The following TYK2 variants were observed in gnomAD, a reference collection of about 807,000 sequenced individuals.
TYK2 encodes the protein tyrosine kinase 2, also known as non-receptor tyrosine-protein kinase TYK2.
A neutral mutation model predicts 130.9 loss-of-function variants in TYK2; 65 were observed. The observed-to-expected ratio is 0.50, with a 90% CI of 0.41 to 0.61. The LOEUF is 0.61. Ranked by LOEUF, TYK2 falls within the 20% of genes least tolerant of loss-of-function variation. The pLI is 0.00. For synonymous variants in TYK2, 647 were observed against 658.9 expected, an observed-to-expected ratio of 0.98 and a Z score of 0.28; for missense variants, 1,378 against 1,610.7, an observed-to-expected ratio of 0.86 and a Z score of 2.47.
At chr19:10,370,283 C>T (rs898850351) in intron 3 of TYK2, among the ~76,000 whole-genome samples, 4 of 151,786 alleles carry the variant, frequency 2.6e-5, no homozygotes, top group African/African-American at 7.3e-5. Flanking sequence ...TGCTTGAACC[C>T]GGGAGGCGGA....
intron 3 of TYK2, among the ~76,000 whole-genome samples, chr19:10,368,934 G>A (rs2041796775): frequency 6.6e-6 from 1 of 151,446 alleles, no homozygotes; most frequent in South Asian, 2.1e-4. Context: ...TCAGCCTCCT[G>A]AGTTGCTGGG....
chr19:10,361,512 T>C lies in TYK2; in HGVS notation c.2046A>G (p.Glu682=), dbSNP rs2041399672. 1 of 1,544,772 alleles carries C rather than the reference T, an allele frequency of 6.5e-7. No individual in the cohort carries two copies. Among genetic ancestry groups the C allele is most frequent in the African/African-American group, 1.4e-5 (1 of 72,854 alleles). Reference sequence around the variant, plus strand: ...ATGGGTATGGCGGGACCCACTCACTTTCAGGGCCGCGCACACAGACGCCAT... The same window carrying C: ...ATGGGTATGGCGGGACCCACTCACTCTCAGGGCCGCGCACACAGACGCCAT... ...FVHGVCVRGP[E]NIMVTEYVEH... The change falls in exon 14 of 25, where the codon GAA becomes GAG. Residue 682 remains glutamate (E), a splice_region_variant and synonymous_variant. Transcript: ENST00000525621. The surrounding 1 kb of genome is among the most constrained non-coding windows in gnomAD (Gnocchi z 4.0).
intron 3 of TYK2, among the ~76,000 whole-genome samples, chr19:10,371,080 C>T (rs1324267058): frequency 6.6e-6 from 1 of 152,002 alleles, no homozygotes; most frequent in Admixed American, 6.6e-5. Context: ...ATCCTCCTGC[C>T]TCAGCCTCCC....
chr19:10,368,550 G>A lies in TYK2; in HGVS notation c.194-132C>T, dbSNP rs12720252. 3.2e-3 allele frequency: 4,367 copies of A among 1,376,532 alleles called. 115 individuals carry two copies. In the African/African-American group the frequency reaches 0.056, roughly 18 times the overall value. 85.3% of individuals were successfully genotyped at this position (1,376,532 alleles called of 1,614,324 possible). On this transcript the variant is annotated intron_variant, in intron 3 of 24. Coordinates refer to ENST00000525621, the MANE Select transcript of TYK2 (RefSeq NM_003331.5). ...CCCCCACCTGCAGCTTCAGTCTCAC[G>A]TTGCCCCTGGGCAGAGGACAGTGCG...
chr19:10,361,929 C>T lies in TYK2; in HGVS notation c.1800G>A (p.Arg600=), dbSNP rs758976960. ...GCAGGCGGCCCTCATACACGTTGGT[C>T]CTTGTGCCCTGGCCCAAGTGGGACA... ...TQLSHLGQGT[R]TNVYEGRLRV... Residue 600 remains arginine (R), a synonymous_variant, in exon 13 of 25, where the codon AGG becomes AGA. Coordinates refer to ENST00000525621, the MANE Select transcript of TYK2 (RefSeq NM_003331.5). This position sits in a 1 kb window ranked among gnomAD's most constrained non-coding sequence, Gnocchi z 4.0. 4 of 1,614,098 alleles carry T rather than the reference C, an allele frequency of 2.5e-6. No homozygotes were observed. Among genetic ancestry groups the T allele is most frequent in the East Asian group, 2.2e-5 (1 of 44,886 alleles).
Position 10,350,795 on chromosome 19 carries a change from G to A in TYK2, c.*39C>T. 1 of 1,611,222 alleles carries A rather than the reference G, an allele frequency of 6.2e-7. No individual in the cohort carries two copies. The highest frequency in any genetic ancestry group is 8.5e-7 in the Non-Finnish European group (1 of 1,179,594). Reference sequence around the variant, plus strand: ...GCAGGAGGCTCCCTCTGCAGCCACTGCCTGGTCCAGTCCTCCCAGGCAGGG... The same window carrying A: ...GCAGGAGGCTCCCTCTGCAGCCACTACCTGGTCCAGTCCTCCCAGGCAGGG... On this transcript the variant is annotated 3_prime_UTR_variant, in exon 25 of 25. Transcript: ENST00000525621.
chr19:10,366,379 C>A (rs747282028), intron 6 of TYK2, 38 bp downstream of exon 6: 2 of 1,597,428 alleles, frequency 1.3e-6, no homozygotes, highest in East Asian at 2.2e-5. Context: ...GGACATTTCC[C>A]CCTGCCTACA....
rs143497189 is a variant in TYK2, at chr19:10,357,851, G to A, written c.2379C>T (p.Thr793=). Residue 793 remains threonine (T), a synonymous_variant, in exon 17 of 25, where the codon ACC becomes ACT. Transcript: ENST00000525621. The stretch of plus-strand genomic sequence containing the variant: ...CGCCAAACCCCCACTTGTCCATGGC[G>A]GTGCTTAGGCTGTTGGCCCCACCTG... The part of the protein sequence containing the change: ...CLPGGANSLS[T]AMDKWGFGAT... 8.1e-6 allele frequency: 13 copies of A among 1,613,518 alleles called. No homozygotes were observed. The highest frequency in any genetic ancestry group is 6.7e-5 in the East Asian group (3 of 44,904).
chr19:10,368,476 AGACCCCCCAGACCCAAT>A, intron 3 of TYK2, 58 bp from the exon 4 acceptor site: 5 of 1,610,764 alleles, frequency 3.1e-6, no homozygotes, highest in Non-Finnish European at 4.2e-6. Context: ...TCAGCCCCAA[AGACCCCCCAGACCCAAT>A]GTCTGCCTTC....
intron 17 of TYK2, chr19:10,357,270 T>TC: frequency 1.8e-6 from 1 of 554,236 alleles, no homozygotes; most frequent in Non-Finnish European, 3.2e-6. Context: ...GTGCCTGTAA[T>TC]CCCCCCTACT....
In TYK2 at chr19:10,353,038, G is replaced by A. The variant is rs2040891799; in HGVS notation, c.3088C>T (p.Leu1030=). The change falls in exon 22 of 25, where the codon CTG becomes TTG. Residue 1030 remains leucine (L), a synonymous_variant. Coordinates refer to ENST00000525621, the MANE Select transcript of TYK2 (RefSeq NM_003331.5). The surrounding 1 kb of genome is among the most constrained non-coding windows in gnomAD (Gnocchi z 6.9). ...IHRDLAARNV[L]LDNDRLVKIG... is the part of the protein sequence containing the mutation. ...TTGACCAGCCTGTCGTTGTCCAGCA[G>A]CACGTTGCGCGCGGCTAGGTCTCGG... 6.3e-7 allele frequency: 1 copy of A among 1,597,942 alleles called. No individual in the cohort carries two copies. The highest frequency in any genetic ancestry group is 2.2e-5 in the East Asian group (1 of 44,510).
In TYK2 at chr19:10,377,400, GTGGATGGA is replaced by G. The variant is rs766675211; in HGVS notation, c.193+806_193+813del. 3.0e-4 allele frequency among the ~76,000 whole-genome samples: 32 copies of G among 105,430 alleles called. 1 individual carries two copies. Among genetic ancestry groups the G allele is most frequent in the South Asian group, 2.9e-3 (8 of 2,758 alleles). 69.2% of individuals were successfully genotyped at this position (105,430 alleles called of 152,430 possible). A position where few individuals can be genotyped will look rare whatever the true frequency, so the allele number is the denominator to read the frequency against. ...GATGGATGAATAGGTGGGTGGGTGG[GTGGATGGA>G]TGGATGGATGGATGGATGGATGGAT... On this transcript the variant is annotated intron_variant, in intron 3 of 24. Coordinates refer to ENST00000525621, the MANE Select transcript of TYK2 (RefSeq NM_003331.5).
At chr19:10,355,182 T>G (rs1308305257) in intron 18 of TYK2, among the ~76,000 whole-genome samples, 1 of 151,704 alleles carries the variant, frequency 6.6e-6, no homozygotes, top group Admixed American at 6.6e-5. Flanking sequence ...ATCCCAGCAC[T>G]TTGGGAGGCC....
At chr19:10,369,779 C>T in intron 3 of TYK2, 1 of 452,694 alleles carries the variant, frequency 2.2e-6, no homozygotes, top group Non-Finnish European at 4.4e-6. Flanking sequence ...CGCAGTGGCT[C>T]ACGCCTATAA....
intron 3 of TYK2, among the ~76,000 whole-genome samples, chr19:10,372,038 T>C (rs920277151): frequency 1.3e-5 from 2 of 152,090 alleles, no homozygotes; most frequent in East Asian, 1.9e-4. Flanking sequence ...TCGCCCAGGC[T>C]GGAGTGTGGT....
At chr19:10,377,561 TG>T (rs1261113773) in intron 3 of TYK2, among the ~76,000 whole-genome samples, 12 of 84,340 alleles carry the variant, frequency 1.4e-4, no homozygotes, top group East Asian at 3.7e-4. Context: ...GGTGGGTGGA[TG>T]GATGGGTGGG....
chr19:10,359,195 C>T lies in TYK2; in HGVS notation c.2155G>A (p.Ala719Thr). 6.2e-7 allele frequency: 1 copy of T among 1,605,254 alleles called. No individual in the cohort carries two copies. Among genetic ancestry groups the T allele is most frequent in the Non-Finnish European group, 8.5e-7 (1 of 1,179,850 alleles). ...CACACCAGGTAGCTGAGGGCGCTGG[C>T]CAGCTGCTGGGCCACCACCATCTTC... Reference protein sequence around the residue: ...AWKMVVAQQLASALSYLENKN... With the variant: ...AWKMVVAQQLTSALSYLENKN... Residue 719 changes from alanine (A) to threonine (T), a missense_variant, in exon 15 of 25, where the codon GCC (alanine) becomes ACC (threonine). Ala to Thr is a moderately conservative substitution (Grantham distance 58, BLOSUM62 0). Coordinates refer to ENST00000525621, the MANE Select transcript of TYK2 (RefSeq NM_003331.5).
intron 3 of TYK2, among the ~76,000 whole-genome samples, chr19:10,370,313 C>G (rs147900086): frequency 6.7e-6 from 1 of 148,812 alleles, no homozygotes; most frequent in East Asian, 2.0e-4. Flanking sequence ...GAGCCAAGAT[C>G]GTGCCACTGA....
rs2042326752 is a variant in TYK2 at position 10,380,539 on chromosome 19, G to C, written c.-345C>G. The C allele has an allele frequency of 6.6e-6, 1 of 152,432 alleles. No individual in the cohort carries two copies. Among genetic ancestry groups the C allele is most frequent in the African/African-American group, 2.4e-5 (1 of 41,452 alleles). 9.4% of individuals were successfully genotyped at this position (152,432 alleles called of 1,614,324 possible). ...CCGGGGGAACACAAGCTCGAACCCG[G>C]ACCCCTCCCCGCTCCCGCGGGTAGC... On this transcript the variant is annotated 5_prime_UTR_variant, in exon 1 of 25. Coordinates refer to ENST00000525621, the MANE Select transcript of TYK2 (RefSeq NM_003331.5).
Sources: allele counts gnomAD v4.1 joint callset (sites outside exome capture counted in the v4.1 genomes callset), GRCh38; gene constraint gnomAD v4.1.1; non-coding constraint Gnocchi (gnomAD v3.1); transcripts MANE v1.5; gene names NCBI Gene and HGNC (gene_info 2026-07-23, HGNC 2026-07-21).